TEKT4: variants seen among roughly 807,000 people sequenced by gnomAD.
TEKT4 encodes tektin 4, also known as tektin-4.
Under a neutral mutation model 46.0 loss-of-function variants are expected in TEKT4, and 46 were observed. That is an observed-to-expected ratio of 1.00 (90% confidence interval 0.79 to 1.28). The LOEUF (loss-of-function observed/expected upper bound fraction) is 1.28. Among genes scored for constraint, TEKT4 ranks in the 50% most tolerant of loss-of-function variants. The probability of loss-of-function intolerance (pLI) is 0.00; values close to 1 mark genes in which losing one functional copy is unlikely to be tolerated. For synonymous variants in TEKT4, 325 were observed against 265.8 expected (o/e 1.22, Z -2.17); for missense variants, 790 against 622.9 (o/e 1.27, Z -2.85).
Position 94,872,066 on chromosome 2 carries a change from G to C in TEKT4, c.487G>C (p.Glu163Gln). The C allele has an allele frequency of 6.5e-7, 1 of 1,544,998 alleles. No homozygotes were observed. ...CCTCGTGCGCGACCATGTGGAAACG[G>C]AGCTGCTGAAGGTGCCAGCACCCTT... ...PNLVRDHVET[E>Q]LLKEAELIRN... Residue 163 changes from glutamate to glutamine, a missense_variant, in exon 1 of 6, where the codon GAG becomes CAG. Physicochemically the swap from Glu to Gln is conservative, Grantham distance 29. Transcript: ENST00000295201.
Position 94,871,527 on chromosome 2 carries a change from C to G in TEKT4, c.-53C>G, listed in dbSNP as rs1312343968. On this transcript the variant is annotated 5_prime_UTR_variant, in exon 1 of 6. Coordinates refer to ENST00000295201, the MANE Select transcript of TEKT4 (RefSeq NM_144705.4). ...CTGACCGCACTAGGCTGACCGCAAC[C>G]GGCTGACCACACACAGTCCTCACTC... 6.6e-7 allele frequency: 1 copy of G among 1,508,264 alleles called. No individual in the cohort carries two copies. Among genetic ancestry groups the G allele is most frequent in the Non-Finnish European group, 8.9e-7 (1 of 1,129,052 alleles). The allele number at this position is 1,508,264 out of a possible 1,614,324, so 93.4% of individuals were successfully genotyped here.
chr2:94,872,525 G>A (rs1466086638), intron 1 of TEKT4: 2 of 310,204 alleles, frequency 6.4e-6, no homozygotes, highest in Non-Finnish European at 1.3e-5. Context: ...GCACCCACAG[G>A]TCCCCTCTCC....
rs1434759845 is a variant in TEKT4 at position 94,871,539 on chromosome 2, C to T, written c.-41C>T. 1 of 1,536,798 alleles carries T rather than the reference C, an allele frequency of 6.5e-7. No individual in the cohort carries two copies. The highest frequency in any genetic ancestry group is 8.8e-7 in the Non-Finnish European group (1 of 1,142,184). On this transcript the variant is annotated 5_prime_UTR_variant, in exon 1 of 6. Coordinates refer to ENST00000295201, the MANE Select transcript of TEKT4 (RefSeq NM_144705.4). Reference sequence around the variant, plus strand: ...GGCTGACCGCAACCGGCTGACCACACACAGTCCTCACTCCCCTGGCCCTGG... The same window carrying T: ...GGCTGACCGCAACCGGCTGACCACATACAGTCCTCACTCCCCTGGCCCTGG...
chr2:94,874,199 G>A (rs1192641476), intron 3 of TEKT4, 91 bp downstream of exon 3: 1 of 1,440,594 alleles, frequency 6.9e-7, no homozygotes, highest in African/African-American at 1.4e-5. Flanking sequence ...TCACCAGCCT[G>A]GCCCGGAGGC....
At position 94,874,996 on chromosome 2, in the gene TEKT4, A is replaced by G. The variant is rs782567698; in HGVS notation, c.934A>G (p.Lys312Glu). ...GTACAAGCTGCATCACCACCTGCAC[A>G]AGGTGGGGCACCCTGAACCCCGAAG... ...ARYKLHHHLH[K>E]TLREITDQEH... The change falls in exon 4 of 6, where the codon AAG (lysine) becomes GAG (glutamate). Residue 312 changes from lysine (K) to glutamate (E), a missense_variant and splice_region_variant. Physicochemically the swap from Lys to Glu is moderately conservative, Grantham distance 56 (BLOSUM62 1). Transcript: ENST00000295201. The G allele has an allele frequency of 2.5e-6, 4 of 1,598,860 alleles. No homozygotes were observed. The highest frequency in any genetic ancestry group is 4.5e-5 in the East Asian group (2 of 44,290).
rs1398294457 is a variant in TEKT4, at chr2:94,874,742, C to A, written c.714-34C>A. 4 of 1,513,660 alleles carry A rather than the reference C, an allele frequency of 2.6e-6. No homozygotes were observed. In the East Asian group the frequency reaches 9.8e-5, roughly 37 times the overall value. 93.8% of individuals were successfully genotyped at this position (1,513,660 alleles called of 1,614,324 possible). A position where few individuals can be genotyped will look rare whatever the true frequency, so the allele number is the denominator to read the frequency against. On this transcript the variant is annotated intron_variant, in intron 3 of 5. Coordinates refer to ENST00000295201, the MANE Select transcript of TEKT4 (RefSeq NM_144705.4). The stretch of plus-strand genomic sequence containing the variant: ...GGCTCCCAGCCTTCGGCAGAGCCTC[C>A]CCGACCCTCTCCTGGCTGTCCCCCG...
chr2:94,873,106 T>C (rs1680652948), intron 1 of TEKT4: 2 of 1,242,362 alleles, frequency 1.6e-6, no homozygotes, highest in Non-Finnish European at 2.1e-6. Context: ...GGTGTGAAGA[T>C]GGCCTTTCCC....
Position 94,874,119 on chromosome 2 carries a change from G to A in TEKT4, c.713+11G>A, listed in dbSNP as rs782336533. 25 of 1,612,552 alleles carry A rather than the reference G, an allele frequency of 1.6e-5. No homozygotes were observed. The highest frequency in any genetic ancestry group is 8.5e-7 in the Non-Finnish European group (1 of 1,179,510). On this transcript the variant is annotated intron_variant, in intron 3 of 5. Transcript: ENST00000295201. ...CACCTTCCAAGAGAGGTGGGCCCCAGCTCTGCCCCTGCACTTGCCCTGGCT... is the reference window on the plus strand; with the variant it reads ...CACCTTCCAAGAGAGGTGGGCCCCAACTCTGCCCCTGCACTTGCCCTGGCT...
chr2:94,872,129 C>CG (rs781991097), intron 1 of TEKT4, 52 bp downstream of exon 1: 1 of 1,472,862 alleles, frequency 6.8e-7, no homozygotes, highest in Non-Finnish European at 9.0e-7. Context: ...AGGAGGAGCC[C>CG]CCCCCCCCGC....
chr2:94,871,940 G>A lies in TEKT4; in HGVS notation c.361G>A (p.Ala121Thr). ...GGCTGCGGAGACCAACTTGCTCCTG[G>A]CCCAGAAGCAACGGCTGGAGCGCGC... is the stretch of plus-strand genomic sequence containing the variant. ...ALAAETNLLL[A>T]QKQRLERALD... The change falls in exon 1 of 6, where the codon GCC becomes ACC. Residue 121 changes from alanine to threonine, a missense_variant. Transcript: ENST00000295201. 2 of 1,600,582 alleles carry A rather than the reference G, an allele frequency of 1.2e-6. No individual in the cohort carries two copies. The highest frequency in any genetic ancestry group is 1.7e-6 in the Non-Finnish European group (2 of 1,177,560).
In TEKT4 at chr2:94,873,563, C is replaced by A. The variant is rs144244578; in HGVS notation, c.542C>A (p.Thr181Asn). Residue 181 changes from threonine to asparagine, a missense_variant, in exon 2 of 6, where the codon ACC becomes AAC. Transcript: ENST00000295201. ...IRNIQELLKR[T>N]IMQAVSQIRL... ...AACATTCAGGAGCTGCTGAAGAGAA[C>A]CATCATGCAAGCAGTGAGCCAGATC... is the stretch of plus-strand genomic sequence containing the variant. 4.2e-4 allele frequency: 671 copies of A among 1,612,964 alleles called. No individual in the cohort carries two copies. The highest frequency in any genetic ancestry group is 5.2e-4 in the Non-Finnish European group (610 of 1,180,012).
At chr2:94,876,105 C>A (rs541840978) in intron 5 of TEKT4, among the ~76,000 whole-genome samples, 2 of 152,324 alleles carry the variant, frequency 1.3e-5, no homozygotes, top group African/African-American at 4.8e-5. Flanking sequence ...AGCGTGCTGT[C>A]CACACCTCTG....
chr2:94,873,712 G>T lies in TEKT4; in HGVS notation c.569+122G>T, dbSNP rs1463768335. 6 of 1,403,010 alleles carry T rather than the reference G, an allele frequency of 4.3e-6. No individual in the cohort carries two copies. In the Admixed American group the frequency reaches 1.0e-4, roughly 24 times the overall value. The allele number at this position is 1,403,010 out of a possible 1,614,324, so 86.9% of individuals were successfully genotyped here. A position where few individuals can be genotyped will look rare whatever the true frequency, so the allele number is the denominator to read the frequency against. ...GCAGGGGCTGCCCCAGGTCACAGTG[G>T]AGCGCAGGACTGGGTGGGGGAGGTT... On this transcript the variant is annotated intron_variant, in intron 2 of 5. Transcript: ENST00000295201.
chr2:94,873,422 T>C (rs1680668404), intron 1 of TEKT4, 98 bp from the exon 2 acceptor site: 2 of 1,594,180 alleles, frequency 1.3e-6, no homozygotes, highest in African/African-American at 1.3e-5. Flanking sequence ...TTCAACTCCT[T>C]GTGGTTGCTC....
chr2:94,876,246 A>C (rs1680847822), intron 5 of TEKT4, among the ~76,000 whole-genome samples: 2 of 152,090 alleles, frequency 1.3e-5, no homozygotes, highest in African/African-American at 4.8e-5. Context: ...CCTTCAAGGA[A>C]CTGGGGGCCT....
At chr2:94,874,564 G>A (rs1172727554) in intron 3 of TEKT4, among the ~76,000 whole-genome samples, 1 of 151,828 alleles carries the variant, frequency 6.6e-6, no homozygotes, top group Non-Finnish European at 1.5e-5. Flanking sequence ...GGGGTGGGTA[G>A]GGTGTGGGGG....
chr2:94,876,620 G>A lies in TEKT4; in HGVS notation c.1159G>A (p.Glu387Lys), dbSNP rs782313504. Residue 387 changes from glutamate (E) to lysine (K), a missense_variant, in exon 6 of 6, where the codon GAG (glutamate) becomes AAG (lysine). Glu to Lys is a moderately conservative substitution (Grantham distance 56, BLOSUM62 1). Coordinates refer to ENST00000295201, the MANE Select transcript of TEKT4 (RefSeq NM_144705.4). ...ACTGCGAGAGAAGCTTCTAGAAGCGGAGCAGTCCCTGCGCAACCTCGAGGA... is the reference window on the plus strand; with the variant it reads ...ACTGCGAGAGAAGCTTCTAGAAGCGAAGCAGTCCCTGCGCAACCTCGAGGA... ...TALREKLLEA[E>K]QSLRNLEDIH... 9.3e-6 allele frequency: 15 copies of A among 1,612,856 alleles called. No homozygotes were observed. Among genetic ancestry groups the A allele is most frequent in the Non-Finnish European group, 1.2e-5 (14 of 1,179,846 alleles).
Position 94,875,752 on chromosome 2 carries a change from G to T in TEKT4, c.1091+10G>T. 6.2e-7 allele frequency: 1 copy of T among 1,612,076 alleles called. No individual in the cohort carries two copies. The highest frequency in any genetic ancestry group is 8.5e-7 in the Non-Finnish European group (1 of 1,178,772). On this transcript the variant is annotated intron_variant, in intron 5 of 5. Coordinates refer to ENST00000295201, the MANE Select transcript of TEKT4 (RefSeq NM_144705.4). ...ACGCAGCCCAGTTCAGGTGCTGCCTGGGCCTCTGAGGCAGTCCCAGGTGGC... is the reference window on the plus strand; with the variant it reads ...ACGCAGCCCAGTTCAGGTGCTGCCTTGGCCTCTGAGGCAGTCCCAGGTGGC...
intron 1 of TEKT4, chr2:94,872,954 C>T (rs1553395117): frequency 2.3e-6 from 3 of 1,289,462 alleles, no homozygotes; most frequent in Admixed American, 2.3e-5. Context: ...TAGAGGGGCG[C>T]AGGACCCGGG....
Sources: gnomAD v4.1 joint callset for allele counts (sites outside exome capture counted in the v4.1 genomes callset) on GRCh38, gnomAD v4.1.1 for gene constraint, MANE v1.5 for transcripts, NCBI Gene and HGNC (gene_info 2026-07-23, HGNC 2026-07-21) for gene names.